The following LRP1B variants were observed in gnomAD, a reference collection of about 807,000 sequenced individuals.
The protein encoded by LRP1B is low-density lipoprotein receptor-related protein 1B.
Under a neutral mutation model 556.6 loss-of-function variants are expected in LRP1B, and 217 were observed. That is an observed-to-expected ratio of 0.39 (90% confidence interval 0.35 to 0.44). The LOEUF (loss-of-function observed/expected upper bound fraction) is 0.44, where lower values mean the gene tolerates loss of function less well. Among genes scored for constraint, LRP1B ranks in the 20% least tolerant of loss-of-function variants. The probability of loss-of-function intolerance (pLI) is 1.00; values close to 1 mark genes in which losing one functional copy is unlikely to be tolerated. For missense variants in LRP1B, 5,053 were observed against 5,620.8 expected (o/e 0.90, Z 3.23); for synonymous variants, 2,047 against 1,865.8 (o/e 1.10, Z -2.50).
At position 141,611,488 on chromosome 2, in the gene LRP1B, G is replaced by A. The variant is rs183339998; in HGVS notation, c.206-130955C>T. 2.0e-3 allele frequency among the ~76,000 whole-genome samples: 297 copies of A among 152,176 alleles called. 1 individual carries two copies. The highest frequency in any genetic ancestry group is 3.3e-3 in the Non-Finnish European group (222 of 68,010). ...GAAGCCACTTCCTCTCTTCCCAACA[G>A]TATTGAAACCTGAGAAGAAAAGAGC... is the stretch of plus-strand genomic sequence containing the variant. On this transcript the variant is annotated intron_variant, in intron 2 of 90. Coordinates refer to ENST00000389484, the MANE Select transcript of LRP1B (RefSeq NM_018557.3).
intron 6 of LRP1B, among the ~76,000 whole-genome samples, chr2:141,211,312 A>AC (rs1553476359): frequency 5.2e-4 from 79 of 151,614 alleles, no homozygotes; most frequent in African/African-American, 1.7e-3. Context: ...TTTAAAAAAA[A>AC]AAAACAAAAC....
At chr2:140,440,812 T>C (rs1270992801) in intron 66 of LRP1B, among the ~76,000 whole-genome samples, 1 of 151,780 alleles carries the variant, frequency 6.6e-6, no homozygotes, top group African/African-American at 2.4e-5. Flanking sequence ...GAGAATCCTA[T>C]ATAACCTCAC....
intron 1 of LRP1B, among the ~76,000 whole-genome samples, chr2:141,826,354 GTTTTT>G (rs70994454): frequency 2.1e-5 from 2 of 97,074 alleles, no homozygotes; most frequent in Admixed American, 1.4e-4. Context: ...CTTTTCAGAA[GTTTTT>G]TTTTTTTTTT....
chr2:141,719,780 A>G (rs1479881820), intron 2 of LRP1B, among the ~76,000 whole-genome samples: 1 of 152,096 alleles, frequency 6.6e-6, no homozygotes, highest in Non-Finnish European at 1.5e-5. Flanking sequence ...AAAACCAAAT[A>G]CTGCATATTT....
In LRP1B at chr2:141,342,990, C is replaced by T. The variant is rs554847969; in HGVS notation, c.344-88349G>A. ...AGCCAGAGAGAAAGGTCGGGTTACCCACAAAGGGAAGCCCATCCGACTAAC... is the reference window on the plus strand; with the variant it reads ...AGCCAGAGAGAAAGGTCGGGTTACCTACAAAGGGAAGCCCATCCGACTAAC... On this transcript the variant is annotated intron_variant, in intron 3 of 90. Transcript: ENST00000389484. 4.6e-5 allele frequency among the ~76,000 whole-genome samples: 7 copies of T among 152,210 alleles called. No individual in the cohort carries two copies. The East Asian group carries it at 1.4e-3, about 30-fold the overall frequency.
intron 83 of LRP1B, among the ~76,000 whole-genome samples, chr2:140,303,233 T>C (rs1191063952): frequency 6.6e-6 from 1 of 151,718 alleles, no homozygotes; most frequent in Non-Finnish European, 1.5e-5. Flanking sequence ...AAATAAACTC[T>C]TTTTTATTTG....
intron 2 of LRP1B, among the ~76,000 whole-genome samples, chr2:141,737,014 G>T (rs551308222): frequency 6.6e-6 from 1 of 152,142 alleles, no homozygotes; most frequent in African/African-American, 2.4e-5. Flanking sequence ...CTTCTCTTAG[G>T]TAGGAAGAAA....
At chr2:141,705,494 T>C (rs1295754850) in intron 2 of LRP1B, among the ~76,000 whole-genome samples, 1 of 152,046 alleles carries the variant, frequency 6.6e-6, no homozygotes, top group Non-Finnish European at 1.5e-5. Flanking sequence ...TAGGTAGTGC[T>C]TAATGATTGC....
rs563524004 is a variant in LRP1B at position 142,055,902 on chromosome 2, G to A, written c.82+74746C>T. Among the ~76,000 whole-genome samples, 4 of 152,260 alleles carry A rather than the reference G, an allele frequency of 2.6e-5. No homozygotes were observed. In the South Asian group the frequency reaches 8.3e-4, roughly 32 times the overall value. On this transcript the variant is annotated intron_variant, in intron 1 of 90. Coordinates refer to ENST00000389484, the MANE Select transcript of LRP1B (RefSeq NM_018557.3). Reference sequence around the variant, plus strand: ...ACAGTGGCTCACGCCTGTAATCCTGGTACTTTGGGAGGCGGAGGTGAGTGT... The same window carrying A: ...ACAGTGGCTCACGCCTGTAATCCTGATACTTTGGGAGGCGGAGGTGAGTGT...
chr2:140,240,629 C>T (rs1573669999), intron 87 of LRP1B, among the ~76,000 whole-genome samples: 1 of 150,958 alleles, frequency 6.6e-6, no homozygotes, highest in East Asian at 2.0e-4. Flanking sequence ...ATCTAGTACA[C>T]ATGAAACAAA....
chr2:141,782,514 C>CTTTTTTTTTTT (rs5834867), intron 2 of LRP1B, among the ~76,000 whole-genome samples: 2 of 97,854 alleles, frequency 2.0e-5, no homozygotes, highest in African/African-American at 4.4e-5. Flanking sequence ...TTCTATTTTC[C>CTTTTTTTTTTT]TTTTTTTTTT....
chr2:141,074,193 C>A (rs905169929), intron 7 of LRP1B, among the ~76,000 whole-genome samples: 5 of 151,936 alleles, frequency 3.3e-5, no homozygotes, highest in African/African-American at 1.2e-4. Context: ...TCTTTCTGTT[C>A]CTTAAAAAAA....
intron 1 of LRP1B, among the ~76,000 whole-genome samples, chr2:142,121,032 C>T (rs866241211): frequency 2.2e-4 from 33 of 152,066 alleles, no homozygotes; most frequent in Middle Eastern, 3.2e-3. Flanking sequence ...GAATATTAAC[C>T]CTTTCCCCCA....
At chr2:142,084,035 A>G (rs1705819019) in intron 1 of LRP1B, among the ~76,000 whole-genome samples, 2 of 147,334 alleles carry the variant, frequency 1.4e-5, no homozygotes, top group Admixed American at 1.4e-4. Context: ...GCTGGAGTGC[A>G]GTGGTGCGAT....
intron 2 of LRP1B, among the ~76,000 whole-genome samples, chr2:141,733,404 T>G (rs930007849): frequency 6.6e-5 from 10 of 152,100 alleles, no homozygotes; most frequent in African/African-American, 2.4e-4. Context: ...CTGGATAAAC[T>G]TCGCTCGGGT....
At chr2:141,060,050 G>A (rs1171562773) in intron 8 of LRP1B, among the ~76,000 whole-genome samples, 2 of 151,526 alleles carry the variant, frequency 1.3e-5, no homozygotes, top group Non-Finnish European at 1.5e-5. Context: ...AAGTATGTGC[G>A]GTTTGATTAT....
intron 2 of LRP1B, among the ~76,000 whole-genome samples, chr2:141,747,112 A>C (rs1404921742): frequency 2.0e-5 from 3 of 152,206 alleles, no homozygotes; most frequent in Non-Finnish European, 2.9e-5. Flanking sequence ...TTTATTAAAT[A>C]ATAAGTGGAA....
At chr2:140,429,937 C>T (rs185620314) in intron 66 of LRP1B, among the ~76,000 whole-genome samples, 177 of 152,292 alleles carry the variant, frequency 1.2e-3, no homozygotes, top group Non-Finnish European at 2.3e-3. Flanking sequence ...CAGCTGTACT[C>T]ACTCTTTGTT....
At chr2:140,364,525 G>GT (rs1682663382) in intron 72 of LRP1B, 136 bp downstream of exon 72, 1 of 980,744 alleles carries the variant, frequency 1.0e-6, no homozygotes, top group African/African-American at 1.7e-5. Flanking sequence ...AACAAAAGCT[G>GT]TATCTGTGGT....
Sources: allele counts gnomAD v4.1 joint callset (sites outside exome capture counted in the v4.1 genomes callset), GRCh38; gene constraint gnomAD v4.1.1; transcripts MANE v1.5; gene names NCBI Gene and HGNC (gene_info 2026-07-23, HGNC 2026-07-21).